KLF8: variants seen among roughly 807,000 people sequenced by gnomAD.
KLF8 encodes the protein KLF transcription factor 8.
KLF8 carries 10 observed loss-of-function variants against 18.2 expected under a neutral mutation model. The ratio of observed to expected loss-of-function variants is 0.55; its 90% CI spans 0.34 to 0.93. The LOEUF (loss-of-function observed/expected upper bound fraction) is 0.93. Among genes scored for constraint, KLF8 ranks in the 40% least tolerant of loss-of-function variants. The probability of loss-of-function intolerance (pLI) is 0.02; values close to 1 mark genes in which losing one functional copy is unlikely to be tolerated. For missense variants in KLF8, 264 were observed against 277.9 expected, an observed-to-expected ratio of 0.95 and a Z score of 0.36; for synonymous variants, 109 against 97.3, an observed-to-expected ratio of 1.12 and a Z score of -0.71.
the KLF8 span, among the ~76,000 whole-genome samples, chrX:56,113,359 A>G: frequency 9.3e-6 from 1 of 108,097 alleles, no homozygotes; most frequent in Non-Finnish European, 1.9e-5. Context: ...TTTAAATGTT[A>G]TGTGGTAACT....
At chrX:56,036,087 C>T in the KLF8 span, among the ~76,000 whole-genome samples, 1 of 111,427 alleles carries the variant, frequency 9.0e-6, no homozygotes, top group Non-Finnish European at 1.9e-5. Flanking sequence ...TCTTATACTT[C>T]ATTTTTAATT....
chrX:55,973,549 C>A, the KLF8 span, among the ~76,000 whole-genome samples: 8 of 111,759 alleles, frequency 7.2e-5, no homozygotes, highest in Non-Finnish European at 1.1e-4. Context: ...TGAACAGATA[C>A]CTCTCAAAAG....
the KLF8 span, among the ~76,000 whole-genome samples, chrX:56,106,003 C>A: frequency 9.0e-6 from 1 of 111,545 alleles, no homozygotes; most frequent in East Asian, 2.8e-4. Flanking sequence ...ATGTGAAATT[C>A]TGGGTTGAAA....
chrX:55,991,408 T>C, the KLF8 span, among the ~76,000 whole-genome samples: 1 of 111,889 alleles, frequency 8.9e-6, no homozygotes, highest in Non-Finnish European at 1.9e-5. Context: ...TGTCACCGCT[T>C]TCTTTGACTA....
At chrX:56,171,203 C>T in the KLF8 span, among the ~76,000 whole-genome samples, 1 of 111,348 alleles carries the variant, frequency 9.0e-6, no homozygotes, top group African/African-American at 3.3e-5. Context: ...AAACTAATAA[C>T]TACAATAACT....
At chrX:56,004,661 G>A in the KLF8 span, among the ~76,000 whole-genome samples, 1 of 111,266 alleles carries the variant, frequency 9.0e-6, no homozygotes, top group Admixed American at 9.5e-5. Context: ...TCCTCATTTC[G>A]AAGTCTTGCG....
the KLF8 span, among the ~76,000 whole-genome samples, chrX:56,024,621 C>A: frequency 1.8e-5 from 2 of 111,734 alleles, no homozygotes; most frequent in East Asian, 5.6e-4. Context: ...AAAGATTTTA[C>A]GTGAAAGGGC....
At chrX:55,994,788 G>T in the KLF8 span, among the ~76,000 whole-genome samples, 1 of 111,619 alleles carries the variant, frequency 9.0e-6, no homozygotes, top group African/African-American at 3.3e-5. Context: ...GAGTGTAGTT[G>T]GTATGATTTT....
At chrX:55,916,077 G>T in the KLF8 span, among the ~76,000 whole-genome samples, 2 of 111,854 alleles carry the variant, frequency 1.8e-5, no homozygotes, top group African/African-American at 6.5e-5. Context: ...TCACAAGGAA[G>T]TGGACACTCA....
chrX:55,960,605 AAAAAAG>A, the KLF8 span, among the ~76,000 whole-genome samples: 9 of 17,496 alleles, frequency 5.1e-4, no homozygotes, highest in Non-Finnish European at 7.2e-3. Context: ...GAGAAGGAGA[AAAAAAG>A]AAGAAGGAGA....
upstream of KLF8, among the ~76,000 whole-genome samples, chrX:56,227,356 CTT>C (rs11343713): frequency 5.3e-4 from 51 of 95,948 alleles, no homozygotes; most frequent in Non-Finnish European, 4.4e-4. Context: ...AAGTCTTTTT[CTT>C]TTTTTTTTTT....
the KLF8 span, among the ~76,000 whole-genome samples, chrX:55,969,600 A>G: frequency 5.4e-5 from 6 of 111,747 alleles, no homozygotes; most frequent in African/African-American, 1.6e-4. Context: ...AAAGAGCGGA[A>G]ATACATGAAA....
the KLF8 span, among the ~76,000 whole-genome samples, chrX:56,127,255 T>C: frequency 8.9e-6 from 1 of 111,804 alleles, no homozygotes; most frequent in African/African-American, 3.3e-5. Context: ...TGTTTATCAA[T>C]GTATCCCTAG....
At chrX:56,130,155 CA>C in the KLF8 span, among the ~76,000 whole-genome samples, 1 of 111,356 alleles carries the variant, frequency 9.0e-6, no homozygotes, top group Non-Finnish European at 1.9e-5. Flanking sequence ...TATACTACCA[CA>C]GCTAATGGTC....
the KLF8 span, among the ~76,000 whole-genome samples, chrX:56,136,883 A>G: frequency 9.0e-6 from 1 of 111,339 alleles, no homozygotes; most frequent in South Asian, 3.8e-4. Flanking sequence ...CCCAGAATTT[A>G]CAATGAACTC....
chrX:55,996,864 G>A, the KLF8 span, among the ~76,000 whole-genome samples: 12 of 112,249 alleles, frequency 1.1e-4, no homozygotes, highest in East Asian at 8.4e-4. Context: ...GGCAGGGTCC[G>A]TGCATACATG....
chrX:55,971,426 G>A, the KLF8 span, among the ~76,000 whole-genome samples: 74 of 110,833 alleles, frequency 6.7e-4, no homozygotes, highest in African/African-American at 2.3e-3. Flanking sequence ...ATTGATTAAC[G>A]ACTTAAATCT....
the KLF8 span, among the ~76,000 whole-genome samples, chrX:56,156,589 A>G: frequency 1.6e-3 from 173 of 107,793 alleles, no homozygotes; most frequent in Non-Finnish European, 2.7e-3. Context: ...TTTTCTTTAT[A>G]TACTTTAAGT....
the KLF8 span, among the ~76,000 whole-genome samples, chrX:56,220,506 GAA>G: frequency 9.1e-6 from 1 of 109,611 alleles, no homozygotes; most frequent in Admixed American, 9.7e-5. Flanking sequence ...TTTTTTTTGA[GAA>G]AAAGTCTCAC....
Sources: gnomAD v4.1 joint callset for allele counts (sites outside exome capture counted in the v4.1 genomes callset) on GRCh38, gnomAD v4.1.1 for gene constraint, MANE v1.5 for transcripts, NCBI Gene and HGNC (gene_info 2026-07-23, HGNC 2026-07-21) for gene names.